CNTN5: variants seen among roughly 807,000 people sequenced by gnomAD.
The protein encoded by CNTN5 is contactin 5.
Under a neutral mutation model 129.1 loss-of-function variants are expected in CNTN5, and 77 were observed. The observed-to-expected ratio is 0.60, with a 90% confidence interval of 0.50 to 0.72. The LOEUF is 0.72. Ranked by LOEUF, CNTN5 falls within the 30% of genes least tolerant of loss-of-function variation. CNTN5 has a pLI of 0.00. For synonymous variants in CNTN5, 509 were observed against 465.6 expected, an observed-to-expected ratio of 1.09 and a Z score of -1.20; for missense variants, 1,478 against 1,328.8, an observed-to-expected ratio of 1.11 and a Z score of -1.75.
Position 99,274,049 on chromosome 11 carries a change from C to T in CNTN5, c.-209-51297C>T, listed in dbSNP as rs561771745. ...AATTAGAGATGTAGTTTCTTAGTAA[C>T]ACTAACCATACTTCAAGTGCTCAGT... On this transcript the variant is annotated intron_variant, in intron 1 of 24. Coordinates refer to ENST00000524871, the MANE Select transcript of CNTN5 (RefSeq NM_014361.4). Among the ~76,000 whole-genome samples the T allele has an allele frequency of 2.0e-5, 3 of 151,780 alleles. No homozygotes were observed. In the East Asian group the frequency reaches 5.8e-4, roughly 30 times the overall value.
At chr11:99,795,880 C>T (rs747416123) in intron 3 of CNTN5, among the ~76,000 whole-genome samples, 2 of 152,160 alleles carry the variant, frequency 1.3e-5, no homozygotes, top group Non-Finnish European at 2.9e-5. Flanking sequence ...TTTTGGACCA[C>T]CGATCACAAC....
chr11:99,361,574 T>C (rs1417394401), intron 2 of CNTN5, among the ~76,000 whole-genome samples: 2 of 152,176 alleles, frequency 1.3e-5, no homozygotes, highest in African/African-American at 4.8e-5. Context: ...TGTGTATCTA[T>C]CTCCACATCT....
chr11:99,782,203 A>T (rs1377007587), intron 3 of CNTN5, among the ~76,000 whole-genome samples: 5 of 148,098 alleles, frequency 3.4e-5, no homozygotes, highest in South Asian at 2.2e-4. Flanking sequence ...AGAGAGCCAA[A>T]TCATGAGTGA....
At chr11:100,248,055 C>A (rs575874656) in intron 16 of CNTN5, among the ~76,000 whole-genome samples, 1 of 152,228 alleles carries the variant, frequency 6.6e-6, no homozygotes, top group South Asian at 2.1e-4. Flanking sequence ...CTTCCCTTTT[C>A]TCCAGAGCAT....
chr11:100,188,236 G>T (rs983450220), intron 13 of CNTN5, among the ~76,000 whole-genome samples: 1 of 152,126 alleles, frequency 6.6e-6, no homozygotes, highest in Non-Finnish European at 1.5e-5. Context: ...TTGAAGCCAG[G>T]AGTTCAAGAC....
intron 3 of CNTN5, among the ~76,000 whole-genome samples, chr11:99,637,837 A>T (rs965725058): frequency 6.6e-6 from 1 of 151,914 alleles, no homozygotes; most frequent in South Asian, 2.1e-4. Context: ...TCCATTTTAT[A>T]TTCATAGCTC....
At chr11:99,869,649 C>T (rs1948450581) in intron 6 of CNTN5, among the ~76,000 whole-genome samples, 1 of 152,110 alleles carries the variant, frequency 6.6e-6, no homozygotes, top group African/African-American at 2.4e-5. Flanking sequence ...CCAAAAAACA[C>T]AGTCACCAGC....
intron 6 of CNTN5, among the ~76,000 whole-genome samples, chr11:99,888,880 A>G (rs1439838323): frequency 6.6e-6 from 1 of 152,236 alleles, no homozygotes; most frequent in Non-Finnish European, 1.5e-5. Context: ...TAATTTCTCT[A>G]AGTTTACATT....
At chr11:100,190,527 A>G (rs1948448243) in intron 13 of CNTN5, among the ~76,000 whole-genome samples, 1 of 152,112 alleles carries the variant, frequency 6.6e-6, no homozygotes, top group Admixed American at 6.6e-5. Context: ...GTTTTAACAA[A>G]GGTCTTGAAA....
At chr11:99,814,114 G>T (rs115301045) in intron 3 of CNTN5, among the ~76,000 whole-genome samples, 370 of 152,190 alleles carry the variant, frequency 2.4e-3, no homozygotes, top group African/African-American at 8.5e-3. Context: ...AGAGACAGAA[G>T]GAATCATCTG....
At position 99,637,425 on chromosome 11, in the gene CNTN5, A is replaced by T. The variant is rs1591399171; in HGVS notation, c.55+81156A>T. ...TTGAATAAACATAAGCAAACACATC[A>T]CATGGCAATCATGTACATGTATACA... On this transcript the variant is annotated intron_variant, in intron 3 of 24. Transcript: ENST00000524871. Among the ~76,000 whole-genome samples the T allele has an allele frequency of 2.0e-5, 3 of 152,202 alleles. No individual in the cohort carries two copies. In the East Asian group the frequency reaches 5.8e-4, roughly 29 times the overall value.
chr11:99,517,450 C>A (rs923907745), intron 2 of CNTN5, among the ~76,000 whole-genome samples: 5 of 152,056 alleles, frequency 3.3e-5, no homozygotes, highest in Non-Finnish European at 5.9e-5. Context: ...CTCCGAAATT[C>A]TTGGCAAGCT....
chr11:99,189,021 T>C (rs1858497575), intron 1 of CNTN5, among the ~76,000 whole-genome samples: 1 of 151,756 alleles, frequency 6.6e-6, no homozygotes, highest in African/African-American at 2.4e-5. Flanking sequence ...CAACCCTTGA[T>C]TCTACTCTCT....
At chr11:100,098,323 A>G in intron 13 of CNTN5, among the ~76,000 whole-genome samples, 1 of 152,136 alleles carries the variant, frequency 6.6e-6, no homozygotes. Context: ...TACATTATAA[A>G]GGTTTAAATA....
At chr11:100,021,539 G>T (rs535310580) in intron 9 of CNTN5, among the ~76,000 whole-genome samples, 1 of 152,156 alleles carries the variant, frequency 6.6e-6, no homozygotes, top group African/African-American at 2.4e-5. Flanking sequence ...TCGATAAATT[G>T]TCTCCTTTAC....
chr11:99,408,048 G>A (rs1942169781), intron 2 of CNTN5, among the ~76,000 whole-genome samples: 1 of 152,026 alleles, frequency 6.6e-6, no homozygotes, highest in East Asian at 1.9e-4. Context: ...CTTATTTTTG[G>A]TTCTTACAAA....
intron 2 of CNTN5, among the ~76,000 whole-genome samples, chr11:99,399,742 T>C (rs1364142413): frequency 5.3e-5 from 8 of 152,068 alleles, no homozygotes; most frequent in African/African-American, 1.9e-4. Context: ...TACACTTTGG[T>C]TTTTTTAGTT....
chr11:99,205,791 TAC>T (rs1166136259), intron 1 of CNTN5, among the ~76,000 whole-genome samples: 1 of 152,028 alleles, frequency 6.6e-6, no homozygotes, highest in African/African-American at 2.4e-5. Flanking sequence ...CATAAATATA[TAC>T]AGTTTTTATT....
chr11:99,695,502 C>A (rs1247483282), intron 3 of CNTN5, among the ~76,000 whole-genome samples: 2 of 152,042 alleles, frequency 1.3e-5, no homozygotes, highest in Admixed American at 6.6e-5. Context: ...CAGAAGCTGA[C>A]TTTTATACAA....
Sources: gnomAD v4.1 joint callset for allele counts (sites outside exome capture counted in the v4.1 genomes callset) on GRCh38, gnomAD v4.1.1 for gene constraint, MANE v1.5 for transcripts, NCBI Gene and HGNC (gene_info 2026-07-23, HGNC 2026-07-21) for gene names.